The following TNRC6A variants were observed in gnomAD, a reference collection of about 807,000 sequenced individuals.
The protein encoded by TNRC6A is trinucleotide repeat containing adaptor 6A, also known as trinucleotide repeat-containing gene 6A protein.
Under a neutral mutation model 221.2 loss-of-function variants are expected in TNRC6A, and 44 were observed. The ratio of observed to expected loss-of-function variants is 0.20; its 90% confidence interval spans 0.16 to 0.26. TNRC6A has a LOEUF of 0.26. Ranked by LOEUF, TNRC6A falls within the 10% of genes least tolerant of loss-of-function variation. The pLI is 1.00. For missense variants in TNRC6A, 2,199 were observed against 2,404.4 expected (o/e 0.91, Z 1.79); for synonymous variants, 847 against 838.5 (o/e 1.01, Z -0.18).
chr16:24,683,226 TCTCA>T (rs1452331957), intron 2 of TNRC6A, among the ~76,000 whole-genome samples: 1 of 152,182 alleles, frequency 6.6e-6, no homozygotes, highest in Non-Finnish European at 1.5e-5. Context: ...TGAGACAAGT[TCTCA>T]CTCTATCACT....
At chr16:24,780,257 C>T (rs1412041701) in intron 5 of TNRC6A, among the ~76,000 whole-genome samples, 1 of 152,164 alleles carries the variant, frequency 6.6e-6, no homozygotes, top group East Asian at 1.9e-4. Flanking sequence ...TGACTTGACA[C>T]ACCTCTCTTT....
At chr16:24,766,675 T>TAA (rs1491171423) in intron 4 of TNRC6A, among the ~76,000 whole-genome samples, 2 of 70,512 alleles carry the variant, frequency 2.8e-5, no homozygotes, top group African/African-American at 1.2e-4. Context: ...TCTTTTTATC[T>TAA]TTTTTTTTTT....
At chr16:24,778,461 A>G (rs1174080091) in intron 5 of TNRC6A, 4 of 985,366 alleles carry the variant, frequency 4.1e-6, no homozygotes, top group Non-Finnish European at 4.8e-6. Flanking sequence ...GAGGAAGAGG[A>G]CACAAATGTG....
At chr16:24,711,288 G>A (rs1016455264) in intron 2 of TNRC6A, among the ~76,000 whole-genome samples, 20 of 152,104 alleles carry the variant, frequency 1.3e-4, no homozygotes, top group African/African-American at 4.1e-4. Flanking sequence ...GATTACAGGC[G>A]TGAGCCACCG....
At chr16:24,720,973 T>A (rs1048644760) in intron 2 of TNRC6A, among the ~76,000 whole-genome samples, 6 of 151,864 alleles carry the variant, frequency 4.0e-5, no homozygotes, top group Non-Finnish European at 7.4e-5. Flanking sequence ...GAGAATGGCA[T>A]GAACCCGGGA....
At position 24,808,549 on chromosome 16, in the gene TNRC6A, C is replaced by A. The variant is rs1261939199; in HGVS notation, c.4541-801C>A. Among the ~76,000 whole-genome samples the A allele has an allele frequency of 4.6e-5, 7 of 152,222 alleles. No individual in the cohort carries two copies. In the South Asian group the frequency reaches 1.2e-3, roughly 27 times the overall value. Reference sequence around the variant, plus strand: ...CTGAACCTCTGCAGAAAAAAATTGTCAACTCCTGATCCGATTGATGGGTCC... The same window carrying A: ...CTGAACCTCTGCAGAAAAAAATTGTAAACTCCTGATCCGATTGATGGGTCC... On this transcript the variant is annotated intron_variant, in intron 17 of 24. Transcript: ENST00000395799.
At chr16:24,631,036 G>C (rs1379622840) in intron 1 of TNRC6A, among the ~76,000 whole-genome samples, 1 of 151,866 alleles carries the variant, frequency 6.6e-6, no homozygotes, top group Non-Finnish European at 1.5e-5. Context: ...AAAAAAAAAG[G>C]GACCAGCCCT....
intron 4 of TNRC6A, among the ~76,000 whole-genome samples, chr16:24,776,038 T>A (rs1024724739): frequency 2.0e-5 from 3 of 152,188 alleles, no homozygotes; most frequent in Non-Finnish European, 4.4e-5. Context: ...ATCTCCATTT[T>A]ACCGAGAAAA....
At position 24,777,000 on chromosome 16, in the gene TNRC6A, A is replaced by AGG. The variant is rs1397512841; in HGVS notation, c.232_233insGG (p.Ala78GlyfsTer73). The AGG allele has an allele frequency of 6.2e-7, 1 of 1,614,134 alleles. No homozygotes were observed. The highest frequency in any genetic ancestry group is 1.7e-5 in the Admixed American group (1 of 60,014). On this transcript the variant is annotated frameshift_variant, in exon 5 of 25. Transcript: ENST00000395799. LOFTEE classifies it high-confidence loss of function. ...CCAACTCTAATAACGGCACTTCCAC[A>AGG]GCAACCAGCACTAATAATAATGCCA...
chr16:24,685,481 C>A (rs2055608728), intron 2 of TNRC6A, among the ~76,000 whole-genome samples: 1 of 152,128 alleles, frequency 6.6e-6, no homozygotes, highest in African/African-American at 2.4e-5. Context: ...GGATTACAGG[C>A]ACGCACCACA....
intron 2 of TNRC6A, among the ~76,000 whole-genome samples, chr16:24,693,327 C>T (rs1217421831): frequency 6.6e-6 from 1 of 152,114 alleles, no homozygotes; most frequent in Admixed American, 6.6e-5. Flanking sequence ...TAGCTCACGC[C>T]TGGAATCCCA....
intron 2 of TNRC6A, among the ~76,000 whole-genome samples, chr16:24,722,907 G>T (rs2056434910): frequency 6.6e-6 from 1 of 152,140 alleles, no homozygotes; most frequent in South Asian, 2.1e-4. Flanking sequence ...TTGCATGAGA[G>T]GCAGGGAAGA....
intron 2 of TNRC6A, among the ~76,000 whole-genome samples, chr16:24,701,671 C>A (rs2055979896): frequency 6.6e-6 from 1 of 152,136 alleles, no homozygotes; most frequent in South Asian, 2.1e-4. Context: ...CAGCCACTTA[C>A]TAACTTGTCT....
intron 1 of TNRC6A, among the ~76,000 whole-genome samples, chr16:24,638,893 T>C (rs1463302684): frequency 6.6e-6 from 1 of 152,194 alleles, no homozygotes; most frequent in African/African-American, 2.4e-5. Context: ...ATAAGAATAA[T>C]AAACTCAGCA....
intron 2 of TNRC6A, among the ~76,000 whole-genome samples, chr16:24,675,327 G>C (rs11074645): frequency 6.6e-6 from 1 of 151,894 alleles, no homozygotes; most frequent in Non-Finnish European, 1.5e-5. Flanking sequence ...TAGATAGTAC[G>C]TGCCTGAATT....
At chr16:24,719,857 AT>A (rs1416189234) in intron 2 of TNRC6A, among the ~76,000 whole-genome samples, 2 of 149,864 alleles carry the variant, frequency 1.3e-5, no homozygotes, top group Admixed American at 6.7e-5. Flanking sequence ...AAAAAAAAAA[AT>A]TTAAACAAGC....
intron 2 of TNRC6A, among the ~76,000 whole-genome samples, chr16:24,666,796 C>T (rs2055181304): frequency 6.6e-6 from 1 of 150,866 alleles, no homozygotes; most frequent in Non-Finnish European, 1.5e-5. Context: ...TAACCGAAGG[C>T]ACTCCAAAAC....
At chr16:24,817,156 GCAGA>G (rs2058674127) in intron 20 of TNRC6A, among the ~76,000 whole-genome samples, 200 bp downstream of exon 20, 1 of 152,088 alleles carries the variant, frequency 6.6e-6, no homozygotes, top group African/African-American at 2.4e-5. Flanking sequence ...AAGAAGAATG[GCAGA>G]CAGAATTCTC....
chr16:24,779,564 G>A (rs1403225758), intron 5 of TNRC6A, among the ~76,000 whole-genome samples: 2 of 152,094 alleles, frequency 1.3e-5, no homozygotes, highest in African/African-American at 4.8e-5. Context: ...TATTAATAAC[G>A]ATACAGTGGC....
Sources: allele counts gnomAD v4.1 joint callset (sites outside exome capture counted in the v4.1 genomes callset), GRCh38; gene constraint gnomAD v4.1.1; transcripts MANE v1.5; gene names NCBI Gene and HGNC (gene_info 2026-07-23, HGNC 2026-07-21).